Variants in ANO7 observed in about 807,000 individuals in gnomAD.
The protein encoded by ANO7 is anoctamin 7, also known as anoctamin-7.
ANO7 carries 114 observed loss-of-function variants against 115.8 expected under a neutral mutation model. The ratio of observed to expected loss-of-function variants is 0.98; its 90% CI spans 0.85 to 1.15. The LOEUF is 1.15. Ranked by LOEUF, ANO7 falls within the 50% of genes most tolerant of loss-of-function variation. ANO7 has a pLI of 0.00. For missense variants in ANO7, 1,302 were observed against 1,201.2 expected, an observed-to-expected ratio of 1.08 and a Z score of -1.24; for synonymous variants, 550 against 498.2, an observed-to-expected ratio of 1.10 and a Z score of -1.38.
At chr2:241,231,292 G>A in the ANO7 span, 8 of 173,796 alleles carry the variant, frequency 4.6e-5, no homozygotes, top group East Asian at 3.1e-4. Context: ...GCTGAGGCAC[G>A]AGAATTGCTT....
downstream of ANO7, chr2:241,229,486 G>T: frequency 2.6e-6 from 2 of 764,830 alleles, no homozygotes; most frequent in East Asian, 2.7e-5. Flanking sequence ...CCTCGGGAAG[G>T]GGGAAGAGCG....
chr2:241,236,370 G>A, the ANO7 span: 13 of 541,726 alleles, frequency 2.4e-5, no homozygotes, highest in East Asian at 1.2e-4. Context: ...CTGAGAGGCC[G>A]GATCCCATGC....
At chr2:241,198,672 G>T (rs1311068847) in intron 4 of ANO7, among the ~76,000 whole-genome samples, 1 of 152,238 alleles carries the variant, frequency 6.6e-6, no homozygotes, top group Non-Finnish European at 1.5e-5. Context: ...ACCCCAGATG[G>T]CTGTGAGGGC....
chr2:241,222,873 C>T (rs1400141303), intron 21 of ANO7, among the ~76,000 whole-genome samples: 1 of 152,174 alleles, frequency 6.6e-6, no homozygotes, highest in Non-Finnish European at 1.5e-5. Flanking sequence ...TCCGTAGAAG[C>T]ACAGACGTAC....
rs11695874 is a variant in ANO7 at position 241,190,072 on chromosome 2, G to T, written c.9G>T (p.Arg3=). The part of the protein sequence containing the change: ML[R]RRAQEEDSTV... ...CTGGGTGCAGGAGCAGGATGCTGCG[G>T]CGACGGGCCCAGGAAGAGGACAGCA... Residue 3 remains arginine (R), a synonymous_variant, in exon 2 of 25, where the codon CGG becomes CGT. Transcript: ENST00000674324. The T allele has an allele frequency of 0.26, 408,032 of 1,574,504 alleles. 56,240 individuals are homozygous for T. The highest frequency in any genetic ancestry group is 0.29 in the Non-Finnish European group (333,705 of 1,160,138).
intron 11 of ANO7, 114 bp downstream of exon 11, chr2:241,207,784 G>A: frequency 1.0e-6 from 1 of 962,880 alleles, no homozygotes; most frequent in Non-Finnish European, 1.6e-6. Flanking sequence ...CTTGTCACCA[G>A]CTAAAGGCAG....
At chr2:241,214,928 G>A in intron 18 of ANO7, 26 bp downstream of exon 18, 4 of 1,604,390 alleles carry the variant, frequency 2.5e-6, no homozygotes, top group Non-Finnish European at 3.4e-6. Flanking sequence ...CTCCCTGGGT[G>A]GCATCCAAGG....
chr2:241,223,634 G>A, intron 22 of ANO7, 28 bp from the exon 23 acceptor site: 2 of 1,607,010 alleles, frequency 1.2e-6, no homozygotes, highest in Non-Finnish European at 8.5e-7. Flanking sequence ...GCGTTTGGGT[G>A]GGCGTGAGTG....
At chr2:241,230,975 G>C (rs2069671555), downstream of ANO7, 1 of 1,588,070 alleles carries the variant, frequency 6.3e-7, no homozygotes, top group African/African-American at 1.3e-5. This position sits in a 1 kb window ranked among gnomAD's most constrained non-coding sequence, Gnocchi z 5.0. Context: ...CAGAAAAGGG[G>C]ATGCCTTACT....
intron 11 of ANO7, among the ~76,000 whole-genome samples, chr2:241,208,882 G>T (rs1216799579): frequency 6.6e-6 from 1 of 152,210 alleles, no homozygotes; most frequent in Admixed American, 6.5e-5. Context: ...GGGCACGGTG[G>T]CTCACGCCTG....
At chr2:241,190,331 C>A (rs1463774373) in intron 2 of ANO7, among the ~76,000 whole-genome samples, 160 bp downstream of exon 2, 1 of 152,216 alleles carries the variant, frequency 6.6e-6, no homozygotes, top group East Asian at 1.9e-4. Flanking sequence ...CAGTCCTCAA[C>A]ACACACAGTC....
intron 10 of ANO7, among the ~76,000 whole-genome samples, chr2:241,207,076 C>A (rs2068610763): frequency 7.6e-6 from 1 of 131,828 alleles, no homozygotes; most frequent in Non-Finnish European, 1.6e-5. Context: ...AGGAGTGCTC[C>A]CAGGCTGACA....
chr2:241,201,039 G>A (rs918384910), intron 6 of ANO7, among the ~76,000 whole-genome samples: 1 of 152,236 alleles, frequency 6.6e-6, no homozygotes, highest in African/African-American at 2.4e-5. Flanking sequence ...GGGGTTCTGG[G>A]TATCTGGGGG....
At chr2:241,233,688 G>A in the ANO7 span, 1 of 918,780 alleles carries the variant, frequency 1.1e-6, no homozygotes, top group Non-Finnish European at 1.7e-6. The surrounding 1 kb of genome is among the most constrained non-coding windows in gnomAD (Gnocchi z 4.3). Flanking sequence ...GCCAGAATTA[G>A]GTCCTGAGAG....
Position 241,224,566 on chromosome 2 carries a change from A to G in ANO7, c.*413A>G, listed in dbSNP as rs2069112860. 1.9e-5 allele frequency: 4 copies of G among 214,660 alleles called. No homozygotes were observed. The South Asian group carries it at 2.3e-4, about 12-fold the overall frequency. The allele number at this position is 214,660 out of a possible 1,614,324, so 13.3% of individuals were successfully genotyped here. A position where few individuals can be genotyped will look rare whatever the true frequency, so the allele number is the denominator to read the frequency against. On this transcript the variant is annotated 3_prime_UTR_variant, in exon 25 of 25. Coordinates refer to ENST00000674324, the MANE Select transcript of ANO7 (RefSeq NM_001370694.2). Reference sequence around the variant, plus strand: ...GTGACCTTCGAATGTTTCAGAGCGCAGGGCCGTTCTCCCTCGTGTCCTCTG... The same window carrying G: ...GTGACCTTCGAATGTTTCAGAGCGCGGGGCCGTTCTCCCTCGTGTCCTCTG...
the ANO7 span, among the ~76,000 whole-genome samples, chr2:241,234,311 C>G: frequency 6.6e-6 from 1 of 152,186 alleles, no homozygotes; most frequent in Non-Finnish European, 1.5e-5. Context: ...GATGGATACG[C>G]ACAGAAATGC....
intron 19 of ANO7, among the ~76,000 whole-genome samples, chr2:241,217,123 T>C (rs2068849848): frequency 1.3e-5 from 2 of 152,204 alleles, no homozygotes; most frequent in African/African-American, 4.8e-5. Context: ...CGTGAGAAAC[T>C]GTGCCCGGCA....
Position 241,209,397 on chromosome 2 carries a change from G to C in ANO7, c.1190G>C (p.Arg397Pro). The change falls in exon 12 of 25, where the codon CGC (arginine) becomes CCC (proline). Residue 397 changes from arginine (R) to proline (P), a missense_variant. By Grantham distance (103) the Arg-to-Pro change is moderately radical. Coordinates refer to ENST00000674324, the MANE Select transcript of ANO7 (RefSeq NM_001370694.2). ...WKRKSATLAY[R>P]WDCSDYEDTE... ...CGGAAGAGCGCCACGCTGGCCTACC[G>C]CTGGGACTGCTCTGACTACGAGGAC... 1 of 1,584,820 alleles carries C rather than the reference G, an allele frequency of 6.3e-7. No homozygotes were observed.
chr2:241,229,496 G>A (rs1019841890), downstream of ANO7: 43 of 820,646 alleles, frequency 5.2e-5, 1 homozygote, highest in African/African-American at 1.9e-4. Context: ...GGGGAAGAGC[G>A]TCAACAATTT....
Sources: allele counts gnomAD v4.1 joint callset (sites outside exome capture counted in the v4.1 genomes callset), GRCh38; gene constraint gnomAD v4.1.1; non-coding constraint Gnocchi (gnomAD v3.1); transcripts MANE v1.5; gene names NCBI Gene and HGNC (gene_info 2026-07-23, HGNC 2026-07-21).